GABRB1: variants seen among roughly 807,000 people sequenced by gnomAD.
The protein encoded by GABRB1 is gamma-aminobutyric acid receptor subunit beta-1.
Under a neutral mutation model 51.6 loss-of-function variants are expected in GABRB1, and 17 were observed. The ratio of observed to expected loss-of-function variants is 0.33; its 90% CI spans 0.23 to 0.49. The LOEUF is 0.49. GABRB1 is among the 20% of genes least tolerant of loss of function. The pLI, the probability that GABRB1 is intolerant of heterozygous loss-of-function variation, is 0.99. For synonymous variants in GABRB1, 247 were observed against 218.9 expected (o/e 1.13, Z -1.14); for missense variants, 410 against 600.6 (o/e 0.68, Z 3.32).
chr4:47,175,034 T>C (rs1718615716), intron 4 of GABRB1, among the ~76,000 whole-genome samples: 1 of 144,512 alleles, frequency 6.9e-6, no homozygotes, highest in African/African-American at 2.6e-5. Flanking sequence ...CCTTCCTTCC[T>C]CCCTCCCTCC....
At chr4:47,385,512 A>G (rs1727761728) in intron 5 of GABRB1, among the ~76,000 whole-genome samples, 1 of 152,202 alleles carries the variant, frequency 6.6e-6, no homozygotes, top group Non-Finnish European at 1.5e-5. Flanking sequence ...TCTAAGAGAA[A>G]TCTACTCTGT....
chr4:47,334,830 T>C (rs757793789), intron 5 of GABRB1, among the ~76,000 whole-genome samples: 1 of 152,186 alleles, frequency 6.6e-6, no homozygotes, highest in Non-Finnish European at 1.5e-5. Context: ...TTTTTGATGA[T>C]TCAAGGTCAT....
chr4:47,301,538 G>A (rs868681896), intron 4 of GABRB1, among the ~76,000 whole-genome samples: 4 of 151,476 alleles, frequency 2.6e-5, no homozygotes, highest in African/African-American at 9.7e-5. Context: ...GGAGACTAAG[G>A]TCAGGGGATC....
intron 5 of GABRB1, among the ~76,000 whole-genome samples, chr4:47,360,632 C>G (rs1013708033): frequency 6.6e-6 from 1 of 152,032 alleles, no homozygotes; most frequent in Non-Finnish European, 1.5e-5. Flanking sequence ...TACAGTTAGT[C>G]CTACAAATAG....
chr4:47,206,866 ATG>A (rs753576071), intron 4 of GABRB1, among the ~76,000 whole-genome samples: 178 of 151,526 alleles, frequency 1.2e-3, no homozygotes, highest in Middle Eastern at 3.5e-3. Flanking sequence ...ATGTATATAT[ATG>A]TGTGTGTGTA....
intron 4 of GABRB1, among the ~76,000 whole-genome samples, chr4:47,165,250 A>G (rs964381264): frequency 1.3e-5 from 2 of 151,944 alleles, no homozygotes; most frequent in African/African-American, 2.4e-5. Flanking sequence ...TAATCTCTCC[A>G]TGTCTGCATG....
At chr4:47,257,319 C>G (rs920385279) in intron 4 of GABRB1, among the ~76,000 whole-genome samples, 3 of 152,168 alleles carry the variant, frequency 2.0e-5, no homozygotes, top group Non-Finnish European at 4.4e-5. Flanking sequence ...GAGTGCTGCA[C>G]TCTCCCTCAT....
chr4:47,089,774 T>C (rs1250014006), intron 3 of GABRB1, among the ~76,000 whole-genome samples: 2 of 152,288 alleles, frequency 1.3e-5, no homozygotes, highest in East Asian at 3.9e-4. Context: ...CATGGTTATC[T>C]TTTATGCTAT....
chr4:47,112,882 C>T (rs1715290504), intron 3 of GABRB1, among the ~76,000 whole-genome samples: 2 of 152,206 alleles, frequency 1.3e-5, no homozygotes, highest in African/African-American at 4.8e-5. Context: ...AAATTATCTT[C>T]TCTAAGCTAA....
intron 4 of GABRB1, among the ~76,000 whole-genome samples, chr4:47,317,535 T>C (rs1225885643): frequency 1.3e-5 from 2 of 151,946 alleles, no homozygotes; most frequent in Non-Finnish European, 2.9e-5. Flanking sequence ...CATATGATCA[T>C]AGGAACAGAA....
chr4:47,155,832 A>G (rs1249200364), intron 3 of GABRB1, among the ~76,000 whole-genome samples: 1 of 150,462 alleles, frequency 6.6e-6, no homozygotes. Context: ...ATCTCCAGAT[A>G]AGCATGTTCA....
chr4:47,049,093 A>C (rs1577859317), intron 3 of GABRB1, among the ~76,000 whole-genome samples: 1 of 149,396 alleles, frequency 6.7e-6, no homozygotes, highest in South Asian at 2.1e-4. Context: ...TTGCCAGAGG[A>C]GGGAGTTTTT....
chr4:47,110,383 C>G (rs1255444709), intron 3 of GABRB1, among the ~76,000 whole-genome samples: 9 of 152,110 alleles, frequency 5.9e-5, no homozygotes, highest in African/African-American at 1.7e-4. Context: ...TGAACATAGT[C>G]TATGCTATCT....
At chr4:47,282,249 T>TA (rs1233892194) in intron 4 of GABRB1, among the ~76,000 whole-genome samples, 6 of 152,310 alleles carry the variant, frequency 3.9e-5, no homozygotes, top group African/African-American at 1.4e-4. Context: ...TTGTGGCTCT[T>TA]AGAGCCTTGC....
intron 4 of GABRB1, among the ~76,000 whole-genome samples, chr4:47,217,151 CTTAAAGAA>C (rs1720585369): frequency 6.6e-6 from 1 of 151,676 alleles, no homozygotes; most frequent in Non-Finnish European, 1.5e-5. Context: ...TTATTGTATA[CTTAAAGAA>C]TTAAGACATT....
intron 3 of GABRB1, among the ~76,000 whole-genome samples, chr4:47,043,747 A>G (rs1725960191): frequency 6.6e-6 from 1 of 152,098 alleles, no homozygotes; most frequent in African/African-American, 2.4e-5. Context: ...ACTAGTGAGC[A>G]CCTGCAGAAG....
chr4:47,380,862 T>C (rs1342292311), intron 5 of GABRB1, among the ~76,000 whole-genome samples: 1 of 152,208 alleles, frequency 6.6e-6, no homozygotes, highest in Admixed American at 6.5e-5. Flanking sequence ...AACTAAGATA[T>C]ATGAAAATTC....
chr4:47,006,493 G>A (rs1031211194), intron 1 of GABRB1, among the ~76,000 whole-genome samples: 1 of 152,090 alleles, frequency 6.6e-6, no homozygotes, highest in Non-Finnish European at 1.5e-5. Flanking sequence ...CTTATAACAT[G>A]AATACAAAAT....
chr4:47,254,361 G>GTTTTTTTTTTTTTTTTTTTTTTTTTT (rs56838956), intron 4 of GABRB1, among the ~76,000 whole-genome samples: 4 of 80,964 alleles, frequency 4.9e-5, no homozygotes, highest in African/African-American at 2.1e-4. Context: ...TCTTTTCTTT[G>GTTTTTTTTTTTTTTTTTTTTTTTTTT]TTTTTTTTTT....
Sources: allele counts gnomAD v4.1 joint callset (sites outside exome capture counted in the v4.1 genomes callset), GRCh38; gene constraint gnomAD v4.1.1; transcripts MANE v1.5; gene names NCBI Gene and HGNC (gene_info 2026-07-23, HGNC 2026-07-21).